Variants in GRIN3B observed in about 807,000 individuals in gnomAD.
The protein encoded by GRIN3B is glutamate receptor ionotropic, NMDA 3B.
Under a neutral mutation model 66.0 loss-of-function variants are expected in GRIN3B, and 77 were observed. That is an observed-to-expected ratio of 1.17 (90% CI 0.97 to 1.41). The LOEUF is 1.41. GRIN3B is among the 40% of genes most tolerant of loss of function. GRIN3B has a pLI of 0.00. For synonymous variants in GRIN3B, 823 were observed against 749.7 expected (o/e 1.10, Z -1.60); for missense variants, 1,787 against 1,564.5 (o/e 1.14, Z -2.40).
chr19:1,008,637 A>C lies in GRIN3B; in HGVS notation c.2486A>C (p.Tyr829Ser). 6.2e-7 allele frequency: 1 copy of C among 1,600,572 alleles called. No homozygotes were observed. The highest frequency in any genetic ancestry group is 8.5e-7 in the Non-Finnish European group (1 of 1,179,280). The change falls in exon 7 of 9, where the codon TAC (tyrosine) becomes TCC (serine). Residue 829 changes from tyrosine (Y) to serine (S), a missense_variant. Transcript: ENST00000234389. ...AVTETLQMSIYHFAGLFVLLC... is the reference protein window; with the variant it reads ...AVTETLQMSISHFAGLFVLLC... ...CCCCAGACCCTGCAGATGAGCATCT[A>C]CCACTTCGCGGGCCTCTTCGTGTTG...
Position 1,000,500 on chromosome 19 carries a change from G to T in GRIN3B, c.63G>T (p.Gly21=), listed in dbSNP as rs1599453734. The T allele has an allele frequency of 8.3e-7, 1 of 1,200,724 alleles. No individual in the cohort carries two copies. Among genetic ancestry groups the T allele is most frequent in the Non-Finnish European group, 1.0e-6 (1 of 967,304 alleles). The allele number at this position is 1,200,724 out of a possible 1,614,324, so 74.4% of individuals were successfully genotyped here. A position where few individuals can be genotyped will look rare whatever the true frequency, so the allele number is the denominator to read the frequency against. ...TGGCGCTGGGGCCGGGGTCCGCGGG[G>T]GGCCACCCTCAGCCGTGCGGCGTCC... ...LALALGPGSA[G]GHPQPCGVLA... is the part of the protein sequence containing the mutation. The change falls in exon 1 of 9, where the codon GGG becomes GGT. Residue 21 remains glycine (G), a synonymous_variant. Transcript: ENST00000234389.
Position 1,004,694 on chromosome 19 carries a change from CG to C in GRIN3B, c.1196del (p.Gly399GlufsTer22). The C allele has an allele frequency of 6.2e-7, 1 of 1,602,132 alleles. No individual in the cohort carries two copies. Among genetic ancestry groups the C allele is most frequent in the Non-Finnish European group, 8.5e-7 (1 of 1,174,192 alleles). On this transcript the variant is annotated frameshift_variant, in exon 3 of 9. Coordinates refer to ENST00000234389, the MANE Select transcript of GRIN3B (RefSeq NM_138690.3). LOFTEE classifies it high-confidence loss of function. ...SWRDGQLDLE[P>X]GGASARPPPP... Reference sequence around the variant, plus strand: ...CGGGACGGCCAGCTGGACTTGGAACCGGGAGGTGCCTCTGCACGGCCCCCGC... The same window carrying C: ...CGGGACGGCCAGCTGGACTTGGAACCGGAGGTGCCTCTGCACGGCCCCCGC...
intron 1 of GRIN3B, 57 bp from the exon 2 acceptor site, chr19:1,003,073 G>A: frequency 8.0e-7 from 1 of 1,255,338 alleles, no homozygotes; most frequent in Non-Finnish European, 1.1e-6. Context: ...GCTGGGGTGG[G>A]AAGGGTTTTG....
chr19:1,008,102 G>A, intron 5 of GRIN3B, 38 bp from the exon 6 acceptor site: 2 of 1,571,584 alleles, frequency 1.3e-6, no homozygotes, highest in Non-Finnish European at 1.7e-6. Flanking sequence ...CCCTGGGGCT[G>A]TCCCACCTGG....
Position 1,009,313 on chromosome 19 carries a change from CG to C in GRIN3B, c.2845del (p.Asp949ThrfsTer136). ...LEPAVVVAPE[A>X]DAEAEAAPRE... ...CCCGCCGTGGTTGTGGCACCCGAAGCGGACGCGGAGGCGGAGGCTGCGCCGC... is the reference window on the plus strand; with the variant it reads ...CCCGCCGTGGTTGTGGCACCCGAAGCGACGCGGAGGCGGAGGCTGCGCCGC... On this transcript the variant is annotated frameshift_variant, in exon 9 of 9. Coordinates refer to ENST00000234389, the MANE Select transcript of GRIN3B (RefSeq NM_138690.3). LOFTEE classifies it low-confidence loss of function (END_TRUNC). 7.8e-6 allele frequency: 11 copies of C among 1,406,098 alleles called. No individual in the cohort carries two copies. The highest frequency in any genetic ancestry group is 1.0e-5 in the Non-Finnish European group (11 of 1,090,042). The allele number at this position is 1,406,098 out of a possible 1,614,324, so 87.1% of individuals were successfully genotyped here.
intron 6 of GRIN3B, 109 bp downstream of exon 6, chr19:1,008,400 C>T: frequency 8.7e-7 from 1 of 1,150,062 alleles, no homozygotes. Flanking sequence ...GTGCGTTTGT[C>T]TGCTTCTGCG....
chr19:1,000,600 G>A lies in GRIN3B; in HGVS notation c.163G>A (p.Ala55Thr). Residue 55 changes from alanine (A) to threonine (T), a missense_variant, in exon 1 of 9, where the codon GCC becomes ACC. Coordinates refer to ENST00000234389, the MANE Select transcript of GRIN3B (RefSeq NM_138690.3). ...RAPLARARAR[A>T]ALARAALAPR... ...GCCTCTCGCCCGCGCCCGCGCCCGC[G>A]CCGCCCTGGCCCGGGCCGCCCTGGC... The A allele has an allele frequency of 2.9e-6, 3 of 1,041,160 alleles. No homozygotes were observed. The highest frequency in any genetic ancestry group is 3.5e-6 in the Non-Finnish European group (3 of 869,222). 64.5% of individuals were successfully genotyped at this position (1,041,160 alleles called of 1,614,324 possible).
intron 1 of GRIN3B, among the ~76,000 whole-genome samples, chr19:1,001,418 G>T (rs926592157): frequency 3.3e-5 from 5 of 150,688 alleles, no homozygotes; most frequent in Admixed American, 2.0e-4. Context: ...TTCCAACCCC[G>T]ACTCCATTCC....
rs1249200684 is a variant in GRIN3B, at chr19:1,004,518, T to G, written c.1020-3T>G. ...CCTGACACCCCCCCCGCCCTGCCCC[T>G]AGGTTCCTGGCCAACACGTCCTTCC... is the stretch of plus-strand genomic sequence containing the variant. On this transcript the variant is annotated splice_region_variant and splice_polypyrimidine_tract_variant and intron_variant, in intron 2 of 8. Coordinates refer to ENST00000234389, the MANE Select transcript of GRIN3B (RefSeq NM_138690.3). 28 of 550,266 alleles carry G rather than the reference T, an allele frequency of 5.1e-5. No individual in the cohort carries two copies. Among genetic ancestry groups the G allele is most frequent in the Non-Finnish European group, 8.6e-5 (26 of 302,144 alleles). 34.1% of individuals were successfully genotyped at this position (550,266 alleles called of 1,614,324 possible). A position where few individuals can be genotyped will look rare whatever the true frequency, so the allele number is the denominator to read the frequency against.
At chr19:1,004,348 G>A (rs567649337) in intron 2 of GRIN3B, among the ~76,000 whole-genome samples, 173 bp from the exon 3 acceptor site, 33 of 152,268 alleles carry the variant, frequency 2.2e-4, no homozygotes, top group Non-Finnish European at 3.2e-4. Context: ...CGGATGCCCC[G>A]GGATCAAGGG....
At position 1,004,636 on chromosome 19, in the gene GRIN3B, G is replaced by T; in HGVS notation, c.1135G>T (p.Gly379Cys). Residue 379 changes from glycine to cysteine, a missense_variant, in exon 3 of 9, where the codon GGC becomes TGC. Physicochemically the swap from Gly to Cys is radical, Grantham distance 159 (BLOSUM62 -3). Transcript: ENST00000234389. ...GTGGAGCCTTCGCCGGGACCCACGGGGCGCCCCGGCCTGGGCCACGGTGGG... is the reference window on the plus strand; with the variant it reads ...GTGGAGCCTTCGCCGGGACCCACGGTGCGCCCCGGCCTGGGCCACGGTGGG... ...KVWSLRRDPR[G>C]APAWATVGSW... is the part of the protein sequence containing the mutation. 5.0e-6 allele frequency: 8 copies of T among 1,601,598 alleles called. No individual in the cohort carries two copies. The highest frequency in any genetic ancestry group is 1.1e-5 in the South Asian group (1 of 89,804).
At position 1,009,341 on chromosome 19, in the gene GRIN3B, A is replaced by G. The variant is rs1599464290; in HGVS notation, c.2871A>G (p.Arg957=). The G allele has an allele frequency of 7.2e-7, 1 of 1,395,328 alleles. No individual in the cohort carries two copies. The highest frequency in any genetic ancestry group is 9.2e-7 in the Non-Finnish European group (1 of 1,083,976). The allele number at this position is 1,395,328 out of a possible 1,614,324, so 86.4% of individuals were successfully genotyped here. The change falls in exon 9 of 9, where the codon CGA becomes CGG. Residue 957 remains arginine (R), a synonymous_variant. Transcript: ENST00000234389. The part of the protein sequence containing the change: ...EADAEAEAAP[R]EGPVWLCSYG... ...ACGCGGAGGCGGAGGCTGCGCCGCG[A>G]GAGGGCCCCGTCTGGCTGTGCTCCT...
At chr19:1,008,532 G>C (rs1048059019) in intron 6 of GRIN3B, 86 bp from the exon 7 acceptor site, 5 of 1,478,030 alleles carry the variant, frequency 3.4e-6, no homozygotes, top group Non-Finnish European at 4.6e-6. Context: ...CCCTCTCTCT[G>C]GCCCAACCTG....
intron 1 of GRIN3B, among the ~76,000 whole-genome samples, chr19:1,001,325 T>A (rs777101152): frequency 2.1e-4 from 32 of 151,586 alleles, no homozygotes; most frequent in East Asian, 3.9e-4. Flanking sequence ...AGTTTCGGGG[T>A]CTGCAGGTCT....
In GRIN3B at chr19:1,000,881, A is replaced by C. The variant is rs2038678517; in HGVS notation, c.426+18A>C. On this transcript the variant is annotated intron_variant, in intron 1 of 8. Coordinates refer to ENST00000234389, the MANE Select transcript of GRIN3B (RefSeq NM_138690.3). ...GAGCCCCGGTACGCGGGACGCCCGG[A>C]GTCAGGACGAGGGGGACCCGGGGCG... is the stretch of plus-strand genomic sequence containing the variant. The C allele has an allele frequency of 2.2e-6, 3 of 1,380,758 alleles. No individual in the cohort carries two copies. Among genetic ancestry groups the C allele is most frequent in the Admixed American group, 3.5e-5 (1 of 28,936 alleles). The allele number at this position is 1,380,758 out of a possible 1,614,324, so 85.5% of individuals were successfully genotyped here.
chr19:1,001,278 G>A (rs2038681998), intron 1 of GRIN3B, among the ~76,000 whole-genome samples: 1 of 151,946 alleles, frequency 6.6e-6, no homozygotes, highest in African/African-American at 2.4e-5. Flanking sequence ...TGGCTGGGCT[G>A]GAGGACAGGC....
At position 1,003,614 on chromosome 19, in the gene GRIN3B, T is replaced by C. The variant is rs1248412250; in HGVS notation, c.911T>C (p.Leu304Pro). 3 of 1,448,754 alleles carry C rather than the reference T, an allele frequency of 2.1e-6. No individual in the cohort carries two copies. Among genetic ancestry groups the C allele is most frequent in the African/African-American group, 1.5e-5 (1 of 67,432 alleles). 89.7% of individuals were successfully genotyped at this position (1,448,754 alleles called of 1,614,324 possible). ...HDIVQLVARA[L>P]GSAAQVQPKR... The stretch of plus-strand genomic sequence containing the variant: ...ATTGTGCAACTGGTGGCCCGGGCGC[T>C]GGGCAGTGCGGCCCAGGTGCAGCCG... The change falls in exon 2 of 9, where the codon CTG becomes CCG. Residue 304 changes from leucine (L) to proline (P), a missense_variant. Coordinates refer to ENST00000234389, the MANE Select transcript of GRIN3B (RefSeq NM_138690.3).
chr19:1,009,443 A>G lies in GRIN3B; in HGVS notation c.2973A>G (p.Glu991=). The change falls in exon 9 of 9, where the codon GAA becomes GAG. Residue 991 remains glutamate, a synonymous_variant. Coordinates refer to ENST00000234389, the MANE Select transcript of GRIN3B (RefSeq NM_138690.3). ...GELQELERRI[E]VARERLRQAL... Reference sequence around the variant, plus strand: ...TGCAGGAGCTGGAGCGCCGCATCGAAGTCGCGCGTGAGCGGCTCCGCCAGG... The same window carrying G: ...TGCAGGAGCTGGAGCGCCGCATCGAGGTCGCGCGTGAGCGGCTCCGCCAGG... 6.8e-7 allele frequency: 1 copy of G among 1,466,626 alleles called. No homozygotes were observed. Among genetic ancestry groups the G allele is most frequent in the Non-Finnish European group, 9.0e-7 (1 of 1,115,730 alleles). 90.9% of individuals were successfully genotyped at this position (1,466,626 alleles called of 1,614,324 possible).
At position 1,008,174 on chromosome 19, in the gene GRIN3B, C is replaced by CACCTCCA. The variant is rs2038780525; in HGVS notation, c.2354_2360dup (p.Ser788GlnfsTer210). On this transcript the variant is annotated frameshift_variant, in exon 6 of 9. Coordinates refer to ENST00000234389, the MANE Select transcript of GRIN3B (RefSeq NM_138690.3). LOFTEE classifies it high-confidence loss of function. ...TCGGACTGCCCCAGAACTCGCCGCT[C>CACCTCCA]ACCTCCAACCTGTCCGAGTTCATCA... The CACCTCCA allele has an allele frequency of 6.2e-7, 1 of 1,606,960 alleles. No homozygotes were observed. The highest frequency in any genetic ancestry group is 1.7e-5 in the Admixed American group (1 of 59,010).
Sources: allele counts gnomAD v4.1 joint callset (sites outside exome capture counted in the v4.1 genomes callset), GRCh38; gene constraint gnomAD v4.1.1; transcripts MANE v1.5; gene names NCBI Gene and HGNC (gene_info 2026-07-23, HGNC 2026-07-21).